GOLPH3L: variants seen among roughly 807,000 people sequenced by gnomAD.
GOLPH3L encodes the protein golgi phosphoprotein 3 like, also known as Golgi phosphoprotein 3-like.
A neutral mutation model predicts 30.3 loss-of-function variants in GOLPH3L; 22 were observed. That is an observed-to-expected ratio of 0.73 (90% confidence interval 0.52 to 1.04). The LOEUF (loss-of-function observed/expected upper bound fraction) is 1.04, where lower values mean the gene tolerates loss of function less well. Among genes scored for constraint, GOLPH3L ranks in the 50% least tolerant of loss-of-function variants. The pLI is 0.00. For synonymous variants in GOLPH3L, 120 were observed against 128.2 expected (o/e 0.94, Z 0.43); for missense variants, 303 against 345.8 (o/e 0.88, Z 0.98).
intron 4 of GOLPH3L, among the ~76,000 whole-genome samples, chr1:150,653,455 C>CT (rs71086589): frequency 7.2e-4 from 45 of 62,626 alleles, no homozygotes; most frequent in African/African-American, 2.5e-3. Context: ...TTGAAAGCAA[C>CT]TTTTTTTTTT....
At chr1:150,653,289 T>TA (rs1360914724) in intron 4 of GOLPH3L, among the ~76,000 whole-genome samples, 1 of 127,130 alleles carries the variant, frequency 7.9e-6, no homozygotes, top group African/African-American at 2.7e-5. Flanking sequence ...TATAAATCTT[T>TA]TTTTTTTTAT....
intron 2 of GOLPH3L, among the ~76,000 whole-genome samples, chr1:150,674,473 G>A (rs945961632): frequency 1.4e-4 from 22 of 152,070 alleles, no homozygotes; most frequent in African/African-American, 4.8e-4. Flanking sequence ...ATGTTGGCCA[G>A]GGTAGTTTCG....
intron 2 of GOLPH3L, among the ~76,000 whole-genome samples, chr1:150,677,147 T>C (rs587622605): frequency 4.2e-4 from 63 of 150,730 alleles, no homozygotes; most frequent in African/African-American, 1.5e-3. Context: ...CTTGGCTCAC[T>C]GCAACCTCTG....
At chr1:150,685,760 AT>A (rs1651071373) in intron 2 of GOLPH3L, among the ~76,000 whole-genome samples, 1 of 152,076 alleles carries the variant, frequency 6.6e-6, no homozygotes. Context: ...ATAAGAATCT[AT>A]TCAAGGAGGT....
At chr1:150,673,931 A>C (rs912462932) in intron 2 of GOLPH3L, among the ~76,000 whole-genome samples, 1 of 151,606 alleles carries the variant, frequency 6.6e-6, no homozygotes, top group Non-Finnish European at 1.5e-5. Context: ...ATCTCCAAAA[A>C]AAAAAAAAAA....
chr1:150,648,079 T>C lies in GOLPH3L; in HGVS notation c.*242A>G, dbSNP rs936718722. On this transcript the variant is annotated 3_prime_UTR_variant, in exon 5 of 5. Coordinates refer to ENST00000271732, the MANE Select transcript of GOLPH3L (RefSeq NM_018178.6). Reference sequence around the variant, plus strand: ...ACCACCAAATGGGAGAAAATGTTCATTGGGTGTGTGTGGCTTCACCCAGTT... The same window carrying C: ...ACCACCAAATGGGAGAAAATGTTCACTGGGTGTGTGTGGCTTCACCCAGTT... 23 of 409,280 alleles carry C rather than the reference T, an allele frequency of 5.6e-5. No individual in the cohort carries two copies. The highest frequency in any genetic ancestry group is 3.6e-4 in the African/African-American group (18 of 49,476). 25.4% of individuals were successfully genotyped at this position (409,280 alleles called of 1,614,324 possible).
chr1:150,687,178 T>C (rs1651104276), intron 2 of GOLPH3L, among the ~76,000 whole-genome samples: 1 of 152,140 alleles, frequency 6.6e-6, no homozygotes, highest in Non-Finnish European at 1.5e-5. Flanking sequence ...ATATTTTAAT[T>C]ATAATAAAAT....
At chr1:150,668,124 A>G (rs1650552192) in intron 2 of GOLPH3L, among the ~76,000 whole-genome samples, 1 of 152,176 alleles carries the variant, frequency 6.6e-6, no homozygotes, top group Non-Finnish European at 1.5e-5. Flanking sequence ...CTTCTATTAT[A>G]TCATATTGCA....
intron 4 of GOLPH3L, among the ~76,000 whole-genome samples, chr1:150,653,534 C>T (rs1226533860): frequency 6.9e-6 from 1 of 145,262 alleles, no homozygotes; most frequent in Non-Finnish European, 1.5e-5. Flanking sequence ...GATCTTGGCT[C>T]ACTGCAGCCA....
At chr1:150,693,019 G>A (rs1166356391) in intron 2 of GOLPH3L, among the ~76,000 whole-genome samples, 1 of 152,126 alleles carries the variant, frequency 6.6e-6, no homozygotes, top group African/African-American at 2.4e-5. Flanking sequence ...CATTCTCTTG[G>A]AGAGCTGGTT....
chr1:150,655,253 A>G (rs1650214438), intron 4 of GOLPH3L, among the ~76,000 whole-genome samples: 1 of 152,214 alleles, frequency 6.6e-6, no homozygotes, highest in South Asian at 2.1e-4. Context: ...AACCCGCCCA[A>G]TTTAACATAG....
At chr1:150,690,234 G>A (rs1169950267) in intron 2 of GOLPH3L, among the ~76,000 whole-genome samples, 1 of 151,506 alleles carries the variant, frequency 6.6e-6, no homozygotes, top group Non-Finnish European at 1.5e-5. Context: ...CAATCCTTCT[G>A]TCTCCCAAAG....
At chr1:150,662,023 T>C (rs1650379645) in intron 3 of GOLPH3L, 95 bp from the exon 4 acceptor site, 2 of 716,506 alleles carry the variant, frequency 2.8e-6, no homozygotes, top group South Asian at 3.0e-5. Context: ...GGTTAAAAAT[T>C]GCAAGAATGT....
chr1:150,668,543 C>T (rs1372897605), intron 2 of GOLPH3L, among the ~76,000 whole-genome samples: 1 of 152,048 alleles, frequency 6.6e-6, no homozygotes, highest in Non-Finnish European at 1.5e-5. Context: ...CCACCACACC[C>T]AGCTAATATT....
intron 2 of GOLPH3L, among the ~76,000 whole-genome samples, chr1:150,680,498 T>C (rs1393086091): frequency 6.6e-6 from 1 of 152,166 alleles, no homozygotes; most frequent in Non-Finnish European, 1.5e-5. Flanking sequence ...AAGTCAAAGA[T>C]TACTAAGAAT....
At chr1:150,669,464 G>C (rs1341690889) in intron 2 of GOLPH3L, among the ~76,000 whole-genome samples, 1 of 152,058 alleles carries the variant, frequency 6.6e-6, no homozygotes. Context: ...TATATTAAAT[G>C]GCCAATGCTT....
At chr1:150,667,595 CTTT>C (rs200372559) in intron 2 of GOLPH3L, among the ~76,000 whole-genome samples, 52 of 134,418 alleles carry the variant, frequency 3.9e-4, no homozygotes, top group Non-Finnish European at 5.0e-4. Flanking sequence ...TTTTTTCTTT[CTTT>C]TTTTTTTTTT....
Position 150,648,578 on chromosome 1 carries a change from T to C in GOLPH3L, c.601A>G (p.Lys201Glu). 1 of 1,614,078 alleles carries C rather than the reference T, an allele frequency of 6.2e-7. No individual in the cohort carries two copies. Residue 201 changes from lysine (K) to glutamate (E), a missense_variant, in exon 5 of 5, where the codon AAA (lysine) becomes GAA (glutamate). Transcript: ENST00000271732. ...TCTAGTACACTATCTTGAAGTTTTTTCACTAGTCGCTGTTTCTCTGTTGTA... is the reference window on the plus strand; with the variant it reads ...TCTAGTACACTATCTTGAAGTTTTTCCACTAGTCGCTGTTTCTCTGTTGTA... ...TNTTEKQRLV[K>E]KLQDSVLERW...
intron 2 of GOLPH3L, among the ~76,000 whole-genome samples, chr1:150,683,690 A>ACT (rs1417394491): frequency 1.8e-5 from 2 of 113,248 alleles, no homozygotes; most frequent in African/African-American, 3.5e-5. Flanking sequence ...ACAGAGCGAG[A>ACT]CTCTCTCTCA....
Sources: allele counts gnomAD v4.1 joint callset (sites outside exome capture counted in the v4.1 genomes callset), GRCh38; gene constraint gnomAD v4.1.1; transcripts MANE v1.5; gene names NCBI Gene and HGNC (gene_info 2026-07-23, HGNC 2026-07-21).